The following SLIT2 variants were observed in gnomAD, a reference collection of about 807,000 sequenced individuals.
The protein encoded by SLIT2 is slit homolog 2 protein.
A neutral mutation model predicts 185.7 loss-of-function variants in SLIT2; 41 were observed. The observed-to-expected ratio is 0.22, with a 90% CI of 0.17 to 0.29. SLIT2 has a LOEUF of 0.29. Ranked by LOEUF, SLIT2 falls within the 10% of genes least tolerant of loss-of-function variation. SLIT2 has a pLI of 1.00. For synonymous variants in SLIT2, 693 were observed against 680.2 expected (o/e 1.02, Z -0.29); for missense variants, 1,571 against 1,909.0 (o/e 0.82, Z 3.30).
intron 30 of SLIT2, among the ~76,000 whole-genome samples, chr4:20,592,418 G>A (rs1270393485): frequency 6.6e-6 from 1 of 152,118 alleles, no homozygotes; most frequent in Admixed American, 6.5e-5. Flanking sequence ...TTGAAGGAAT[G>A]TGATAGGTTT....
At chr4:20,593,772 C>G (rs760911317) in intron 30 of SLIT2, among the ~76,000 whole-genome samples, 36 of 151,660 alleles carry the variant, frequency 2.4e-4, no homozygotes, top group Non-Finnish European at 4.1e-4. Context: ...TCAATTATAC[C>G]TCAGTAAATC....
At chr4:20,548,169 G>A (rs1224653278) in intron 22 of SLIT2, among the ~76,000 whole-genome samples, 2 of 152,080 alleles carry the variant, frequency 1.3e-5, no homozygotes, top group East Asian at 1.9e-4. Flanking sequence ...ATGGAGATGG[G>A]CGCAGAGGGA....
Position 20,524,062 on chromosome 4 carries a change from A to G in SLIT2, c.1323A>G (p.Leu441=), listed in dbSNP as rs1383071075. 8 of 1,614,074 alleles carry G rather than the reference A, an allele frequency of 5.0e-6. No homozygotes were observed. The highest frequency in any genetic ancestry group is 6.8e-6 in the Non-Finnish European group (8 of 1,180,018). Residue 441 remains leucine (L), a synonymous_variant, in exon 14 of 37, where the codon CTA becomes CTG. Transcript: ENST00000504154. ...PFICDCHLKW[L]ADYLHTNPIE... is the part of the protein sequence containing the mutation. The stretch of plus-strand genomic sequence containing the variant: ...TTTGTGACTGCCATCTCAAGTGGCT[A>G]GCGGATTATCTCCATACCAACCCGA...
intron 4 of SLIT2, among the ~76,000 whole-genome samples, chr4:20,417,522 G>T: frequency 6.8e-6 from 1 of 146,832 alleles, no homozygotes; most frequent in Non-Finnish European, 1.5e-5. Context: ...ATGTGTGTGT[G>T]TATATATATA....
At chr4:20,297,324 T>G (rs1217942681) in intron 4 of SLIT2, among the ~76,000 whole-genome samples, 3 of 152,224 alleles carry the variant, frequency 2.0e-5, no homozygotes, top group Admixed American at 6.5e-5. Context: ...AATTTTAAAA[T>G]GTGGAAGCAA....
chr4:20,618,629 C>G, intron 36 of SLIT2, 139 bp from the exon 37 acceptor site: 1 of 796,042 alleles, frequency 1.3e-6, no homozygotes, highest in Non-Finnish European at 2.0e-6. Context: ...AATAGGAGGC[C>G]GTGCCACCAG....
rs916631717 is a variant in SLIT2, at chr4:20,354,916, A to T, written c.395+86035A>T. On this transcript the variant is annotated intron_variant, in intron 4 of 36. Transcript: ENST00000504154. ...GTGTGTGTGTGTGTGTGAGAGAGAG[A>T]GAGAGAGAGAGAGAGAGAGAGAGAG... 1.2e-3 allele frequency among the ~76,000 whole-genome samples: 171 copies of T among 147,584 alleles called. 1 individual carries two copies. The highest frequency in any genetic ancestry group is 4.4e-3 in the East Asian group (21 of 4,752).
chr4:20,354,062 G>A (rs2109271614), intron 4 of SLIT2, among the ~76,000 whole-genome samples: 1 of 152,282 alleles, frequency 6.6e-6, no homozygotes, highest in Admixed American at 6.5e-5. Context: ...TGTGTTAGCA[G>A]TGACTTAAGT....
At chr4:20,340,777 T>C (rs1720898443) in intron 4 of SLIT2, among the ~76,000 whole-genome samples, 1 of 151,956 alleles carries the variant, frequency 6.6e-6, no homozygotes, top group African/African-American at 2.4e-5. Flanking sequence ...ATTTTTTGTA[T>C]TTTTTGGTAG....
chr4:20,284,867 A>G lies in SLIT2; in HGVS notation c.395+15986A>G, dbSNP rs17601606. 8.3e-3 allele frequency among the ~76,000 whole-genome samples: 1,263 copies of G among 152,340 alleles called. 8 individuals carry two copies. The highest frequency in any genetic ancestry group is 0.013 in the Non-Finnish European group (902 of 68,030). On this transcript the variant is annotated intron_variant, in intron 4 of 36. Coordinates refer to ENST00000504154, the MANE Select transcript of SLIT2 (RefSeq NM_004787.4). The stretch of plus-strand genomic sequence containing the variant: ...AAATTACTACAAAGTTGAAATTGCT[A>G]ATGTAGTAGGAAACAAATGAGGCAG...
intron 4 of SLIT2, among the ~76,000 whole-genome samples, chr4:20,359,712 C>CA (rs1447926186): frequency 6.6e-6 from 1 of 151,984 alleles, no homozygotes; most frequent in Non-Finnish European, 1.5e-5. Flanking sequence ...CAGTGGCTGC[C>CA]ACACAAGACA....
rs146562244 is a variant in SLIT2, at chr4:20,576,726, A to G, written c.3088+7722A>G. 2.6e-4 allele frequency among the ~76,000 whole-genome samples: 40 copies of G among 152,314 alleles called. No homozygotes were observed. In the East Asian group the frequency reaches 6.2e-3, roughly 24 times the overall value. On this transcript the variant is annotated intron_variant, in intron 29 of 36. Transcript: ENST00000504154. ...TCAAAACTTTCTTAAATGCACTTTA[A>G]TCTCAAAAAAAAGTTTTAAAGATCT...
At position 20,619,102 on chromosome 4, in the gene SLIT2, A is replaced by G. The variant is rs1578037058; in HGVS notation, c.*93A>G. On this transcript the variant is annotated 3_prime_UTR_variant, in exon 37 of 37. Coordinates refer to ENST00000504154, the MANE Select transcript of SLIT2 (RefSeq NM_004787.4). ...GCTTCATAGTGGAAATATTTGAAAT[A>G]TATTGTAAAATACAGAACAGACTTA... The G allele has an allele frequency of 5.4e-6, 7 of 1,290,134 alleles. No individual in the cohort carries two copies. In the East Asian group the frequency reaches 1.7e-4, roughly 31 times the overall value. The allele number at this position is 1,290,134 out of a possible 1,614,324, so 79.9% of individuals were successfully genotyped here. A position where few individuals can be genotyped will look rare whatever the true frequency, so the allele number is the denominator to read the frequency against.
intron 4 of SLIT2, among the ~76,000 whole-genome samples, chr4:20,325,934 T>C (rs1719548666): frequency 6.6e-6 from 1 of 152,156 alleles, no homozygotes; most frequent in African/African-American, 2.4e-5. Context: ...ATATACTTTA[T>C]TTAGCCCTTT....
intron 4 of SLIT2, among the ~76,000 whole-genome samples, chr4:20,286,794 T>C (rs1477502903): frequency 1.3e-5 from 2 of 152,148 alleles, no homozygotes; most frequent in Non-Finnish European, 2.9e-5. Flanking sequence ...AGAGCAAGAC[T>C]TCATCTCTAA....
chr4:20,282,546 A>T (rs1311263717), intron 4 of SLIT2, among the ~76,000 whole-genome samples: 1 of 152,184 alleles, frequency 6.6e-6, no homozygotes, highest in Non-Finnish European at 1.5e-5. Context: ...TATTTCAAAG[A>T]AGTGATACCT....
In SLIT2 at chr4:20,252,874, C is replaced by CA. The variant is rs1410528978; in HGVS notation, c.-941dup. Among the ~76,000 whole-genome samples the CA allele has an allele frequency of 6.6e-6, 1 of 152,208 alleles. No homozygotes were observed. Among genetic ancestry groups the CA allele is most frequent in the Non-Finnish European group, 1.5e-5 (1 of 68,044 alleles). ...TCTGCCTGGTTTTTAAGTCCGCCCCCAGTCAGTCCCCACTCAGTCTTCGCA... is the reference window on the plus strand; with the variant it reads ...TCTGCCTGGTTTTTAAGTCCGCCCCCAAGTCAGTCCCCACTCAGTCTTCGCA... On this transcript the variant is annotated 5_prime_UTR_variant, in exon 1 of 37. Coordinates refer to ENST00000504154, the MANE Select transcript of SLIT2 (RefSeq NM_004787.4).
At chr4:20,440,089 T>C (rs1394779500) in intron 4 of SLIT2, among the ~76,000 whole-genome samples, 1 of 152,238 alleles carries the variant, frequency 6.6e-6, no homozygotes, top group Non-Finnish European at 1.5e-5. Context: ...GTTCCAACTA[T>C]GAAATTTTGC....
At chr4:20,477,265 G>A (rs1351279082) in intron 5 of SLIT2, among the ~76,000 whole-genome samples, 1 of 151,008 alleles carries the variant, frequency 6.6e-6, no homozygotes, top group Non-Finnish European at 1.5e-5. Context: ...CATGAGTTGC[G>A]ATTTTGGCGC....
Sources: gnomAD v4.1 joint callset for allele counts (sites outside exome capture counted in the v4.1 genomes callset) on GRCh38, gnomAD v4.1.1 for gene constraint, MANE v1.5 for transcripts, NCBI Gene and HGNC (gene_info 2026-07-23, HGNC 2026-07-21) for gene names.